The following IL2RA variants were observed in gnomAD, a reference collection of about 807,000 sequenced individuals.
IL2RA encodes interleukin 2 receptor subunit alpha.
A neutral mutation model predicts 37.8 loss-of-function variants in IL2RA; 24 were observed. The observed-to-expected ratio is 0.63, with a 90% CI of 0.46 to 0.89. The LOEUF (loss-of-function observed/expected upper bound fraction) is 0.89. Among genes scored for constraint, IL2RA ranks in the 40% least tolerant of loss-of-function variants. The pLI is 0.00. For missense variants in IL2RA, 319 were observed against 348.6 expected (o/e 0.92, Z 0.68); for synonymous variants, 125 against 114.6 (o/e 1.09, Z -0.58).
chr10:6,059,135 A>C (rs1840088677), intron 1 of IL2RA, among the ~76,000 whole-genome samples: 1 of 152,250 alleles, frequency 6.6e-6, no homozygotes, highest in African/African-American at 2.4e-5. Flanking sequence ...TGTTGATTCC[A>C]GAAACTTGAC....
chr10:6,026,109 A>G, intron 1 of IL2RA, 84 bp from the exon 2 acceptor site: 2 of 1,359,062 alleles, frequency 1.5e-6, no homozygotes, highest in Middle Eastern at 2.6e-4. Flanking sequence ...ACTTAATCAC[A>G]TATTTCTTCA....
At chr10:6,040,358 G>T (rs1353111054) in intron 1 of IL2RA, among the ~76,000 whole-genome samples, 2 of 152,062 alleles carry the variant, frequency 1.3e-5, no homozygotes, top group Non-Finnish European at 2.9e-5. Context: ...GTTGTTTCCT[G>T]TCACCTGTAT....
rs1361775891 is a variant in IL2RA, at chr10:6,047,710, ATTATC to A, written c.64+14373_64+14377del. On this transcript the variant is annotated intron_variant, in intron 1 of 7. Transcript: ENST00000379959. The surrounding 1 kb of genome is among the most constrained non-coding windows in gnomAD (Gnocchi z 5.0). ...ATAAAATACCATCTTAGCTTATGAA[ATTATC>A]TTATATGATAAAATAATTATACAGA... Among the ~76,000 whole-genome samples, 5 of 149,578 alleles carry A rather than the reference ATTATC, an allele frequency of 3.3e-5. No individual in the cohort carries two copies. The highest frequency in any genetic ancestry group is 1.9e-4 in the East Asian group (1 of 5,166).
chr10:6,026,901 C>T (rs755726499), intron 1 of IL2RA, among the ~76,000 whole-genome samples: 16 of 152,184 alleles, frequency 1.1e-4, no homozygotes, highest in Middle Eastern at 3.4e-3. Context: ...TGTGGGTTGG[C>T]CGGTTGTGTA....
At position 6,033,683 on chromosome 10, in the gene IL2RA, A is replaced by G. The variant is rs1839636842; in HGVS notation, c.65-7658T>C. 1.3e-5 allele frequency among the ~76,000 whole-genome samples: 2 copies of G among 152,258 alleles called. No individual in the cohort carries two copies. Among genetic ancestry groups the G allele is most frequent in the African/African-American group, 4.8e-5 (2 of 41,470 alleles). On this transcript the variant is annotated intron_variant, in intron 1 of 7. Coordinates refer to ENST00000379959, the MANE Select transcript of IL2RA (RefSeq NM_000417.3). The surrounding 1 kb of genome is among the most constrained non-coding windows in gnomAD (Gnocchi z 4.3). ...ATGTTATGTTGAACAAAATAAGCTA[A>G]ACACGAAATAGTGCATACACTTTGC... is the stretch of plus-strand genomic sequence containing the variant.
chr10:6,019,014 A>C (rs199965784), intron 6 of IL2RA, among the ~76,000 whole-genome samples: 1 of 151,940 alleles, frequency 6.6e-6, no homozygotes, highest in Non-Finnish European at 1.5e-5. Flanking sequence ...CTAACAACCA[A>C]CCTACCAACC....
At chr10:6,023,691 G>A (rs961106078) in intron 3 of IL2RA, among the ~76,000 whole-genome samples, 24 of 152,352 alleles carry the variant, frequency 1.6e-4, no homozygotes, top group African/African-American at 5.5e-4. Context: ...GCAGAGGGCA[G>A]ACAAGGGACA....
chr10:6,019,872 G>T lies in IL2RA; in HGVS notation c.653C>A (p.Thr218Lys). The T allele has an allele frequency of 6.2e-7, 1 of 1,614,010 alleles. No homozygotes were observed. Among genetic ancestry groups the T allele is most frequent in the Non-Finnish European group, 8.5e-7 (1 of 1,179,818 alleles). Residue 218 changes from threonine to lysine, a missense_variant and splice_region_variant, in exon 5 of 8, where the codon ACA (threonine) becomes AAA (lysine). Thr to Lys is a moderately conservative substitution (Grantham distance 78). Transcript: ENST00000379959. ...ESETSCLVTT[T>K]DFQIQTEMAA... ...CCAGCGTTTGTCTTCTCCCGCACCTGTTGTTGTGACGAGGCAGGAAGTCTC... is the reference window on the plus strand; with the variant it reads ...CCAGCGTTTGTCTTCTCCCGCACCTTTTGTTGTGACGAGGCAGGAAGTCTC...
At chr10:6,042,739 A>G (rs1395798262) in intron 1 of IL2RA, among the ~76,000 whole-genome samples, 3 of 152,216 alleles carry the variant, frequency 2.0e-5, no homozygotes, top group African/African-American at 7.2e-5. Context: ...GGCCACAGAG[A>G]TGACCAAAAA....
intron 1 of IL2RA, among the ~76,000 whole-genome samples, chr10:6,061,084 T>C (rs573199682): frequency 6.6e-6 from 1 of 152,164 alleles, no homozygotes; most frequent in Non-Finnish European, 1.5e-5. Flanking sequence ...TGGTGGTTTT[T>C]TATTTCTTTA....
chr10:6,050,165 G>C (rs948191089), intron 1 of IL2RA, among the ~76,000 whole-genome samples: 11 of 152,156 alleles, frequency 7.2e-5, no homozygotes, highest in Non-Finnish European at 1.0e-4. Flanking sequence ...TGAATAACAG[G>C]GTGACTGAAA....
chr10:6,036,001 C>T lies in IL2RA; in HGVS notation c.65-9976G>A, dbSNP rs768112640. 2 of 152,306 alleles carry T rather than the reference C, an allele frequency of 1.3e-5. No homozygotes were observed. Among genetic ancestry groups the T allele is most frequent in the African/African-American group, 2.4e-5 (1 of 41,434 alleles). The allele number at this position is 152,306 out of a possible 1,614,324, so 9.4% of individuals were successfully genotyped here. ...GAGCTTTTGCCTTGTCTGGCTGACG[C>T]CTTGGCAATCGCAAGTGACAGTGAC... On this transcript the variant is annotated intron_variant, in intron 1 of 7. Coordinates refer to ENST00000379959, the MANE Select transcript of IL2RA (RefSeq NM_000417.3). The surrounding 1 kb of genome is among the most constrained non-coding windows in gnomAD (Gnocchi z 6.1).
intron 3 of IL2RA, among the ~76,000 whole-genome samples, chr10:6,023,443 C>A (rs1839421885): frequency 6.6e-6 from 1 of 152,176 alleles, no homozygotes; most frequent in South Asian, 2.1e-4. Context: ...TCAAGCAATT[C>A]TCATGCCTTG....
chr10:6,040,717 T>C (rs913030560), intron 1 of IL2RA, among the ~76,000 whole-genome samples: 3 of 152,172 alleles, frequency 2.0e-5, no homozygotes, highest in Non-Finnish European at 2.9e-5. Flanking sequence ...TCACTCCAAT[T>C]GACTTTAAAA....
At position 6,042,148 on chromosome 10, in the gene IL2RA, CAA is replaced by C. The variant is rs57093239; in HGVS notation, c.65-16125_65-16124del. 1.3e-3 allele frequency among the ~76,000 whole-genome samples: 70 copies of C among 54,136 alleles called. 3 individuals are homozygous for C. The highest frequency in any genetic ancestry group is 4.6e-3 in the African/African-American group (61 of 13,236). The allele number at this position is 54,136 out of a possible 152,430, so 35.5% of individuals were successfully genotyped here. On this transcript the variant is annotated intron_variant, in intron 1 of 7. Transcript: ENST00000379959. ...CACCTGATGCTAGCAATGTATTAAG[CAA>C]AAAAAAAAAAAAAAAAAATTCTGAT...
At chr10:6,026,902 C>T (rs189876858) in intron 1 of IL2RA, among the ~76,000 whole-genome samples, 41 of 152,226 alleles carry the variant, frequency 2.7e-4, no homozygotes, top group South Asian at 1.9e-3. Flanking sequence ...GTGGGTTGGC[C>T]GGTTGTGTAT....
intron 6 of IL2RA, among the ~76,000 whole-genome samples, chr10:6,019,017 T>A (rs117053021): frequency 0.03 from 4,404 of 149,004 alleles, 98 homozygotes; most frequent in South Asian, 0.12. Flanking sequence ...ACAACCAACC[T>A]ACCAACCAAC....
rs1239216233 is a variant in IL2RA at position 6,044,775 on chromosome 10, T to C, written c.64+17313A>G. On this transcript the variant is annotated intron_variant, in intron 1 of 7. Coordinates refer to ENST00000379959, the MANE Select transcript of IL2RA (RefSeq NM_000417.3). The surrounding 1 kb of genome is among the most constrained non-coding windows in gnomAD (Gnocchi z 4.5). ...AAAATATAAGTGGTGGTATAGGGACTTCACCTCCCACTCCCCCTCCACCCA... is the reference window on the plus strand; with the variant it reads ...AAAATATAAGTGGTGGTATAGGGACCTCACCTCCCACTCCCCCTCCACCCA... Among the ~76,000 whole-genome samples, 1 of 152,168 alleles carries C rather than the reference T, an allele frequency of 6.6e-6. No individual in the cohort carries two copies. The highest frequency in any genetic ancestry group is 2.4e-5 in the African/African-American group (1 of 41,442).
intron 7 of IL2RA, among the ~76,000 whole-genome samples, 197 bp from the exon 8 acceptor site, chr10:6,013,093 G>T (rs1276601612): frequency 6.6e-6 from 1 of 152,184 alleles, no homozygotes; most frequent in Non-Finnish European, 1.5e-5. Context: ...CTTCCAAAGT[G>T]CTGGGATTAC....
Sources: allele counts gnomAD v4.1 joint callset (sites outside exome capture counted in the v4.1 genomes callset), GRCh38; gene constraint gnomAD v4.1.1; non-coding constraint Gnocchi (gnomAD v3.1); transcripts MANE v1.5; gene names NCBI Gene and HGNC (gene_info 2026-07-23, HGNC 2026-07-21).